The following COL16A1 variants were observed in gnomAD, a reference collection of about 807,000 sequenced individuals.
The protein encoded by COL16A1 is collagen type XVI alpha 1 chain, also known as collagen alpha-1(XVI) chain.
COL16A1 carries 189 observed loss-of-function variants against 266.3 expected under a neutral mutation model. The ratio of observed to expected loss-of-function variants is 0.71; its 90% CI spans 0.63 to 0.80. The LOEUF (loss-of-function observed/expected upper bound fraction) is 0.80. COL16A1 is among the 30% of genes least tolerant of loss of function. The pLI is 0.00. For missense variants in COL16A1, 1,928 were observed against 2,122.4 expected, an observed-to-expected ratio of 0.91 and a Z score of 1.80; for synonymous variants, 740 against 782.3, an observed-to-expected ratio of 0.95 and a Z score of 0.90.
At position 31,671,672 on chromosome 1, in the gene COL16A1, C is replaced by T. The variant is rs1642719804; in HGVS notation, c.3106-13G>A. 1.2e-6 allele frequency: 2 copies of T among 1,613,870 alleles called. No individual in the cohort carries two copies. Among genetic ancestry groups the T allele is most frequent in the South Asian group, 2.2e-5 (2 of 91,056 alleles). ...TGCCAGGCGGACCCTGCAAAGGAAG[C>T]CAAGGGAAATGGATGAAGAGGCCCA... On this transcript the variant is annotated splice_polypyrimidine_tract_variant and intron_variant, in intron 47 of 70. Transcript: ENST00000373672.
Position 31,684,169 on chromosome 1 carries a change from A to G in COL16A1, c.2223T>C (p.Pro741=), listed in dbSNP as rs751119648. ...QGTVTDMAGR[P]GQPGPKGEQG... is the part of the protein sequence containing the mutation. The stretch of plus-strand genomic sequence containing the variant: ...GCTCTCCTTTGGGGCCGGGCTGCCC[A>G]GGCCGTCCTGCCATGTCTGTCACTG... Residue 741 remains proline, a synonymous_variant, in exon 32 of 71, where the codon CCT becomes CCC. Coordinates refer to ENST00000373672, the MANE Select transcript of COL16A1 (RefSeq NM_001856.4). 2 of 1,544,186 alleles carry G rather than the reference A, an allele frequency of 1.3e-6. No homozygotes were observed. The highest frequency in any genetic ancestry group is 2.4e-5 in the East Asian group (1 of 40,990).
intron 55 of COL16A1, 116 bp downstream of exon 55, chr1:31,665,467 C>T (rs1421194717): frequency 2.5e-6 from 4 of 1,584,162 alleles, no homozygotes; most frequent in East Asian, 4.5e-5. Flanking sequence ...GGCCGTTCTC[C>T]CCTGCCTCTC....
At position 31,670,581 on chromosome 1, in the gene COL16A1, C is replaced by G. The variant is rs373328488; in HGVS notation, c.3195+21G>C. ...CTGGCTGACGGGGGGGAGGGGAGGT[C>G]GAGCAGCGCTAGGTTCTTACAGGCA... On this transcript the variant is annotated intron_variant, in intron 49 of 70. Transcript: ENST00000373672. The surrounding 1 kb of genome is among the most constrained non-coding windows in gnomAD (Gnocchi z 4.5). The G allele has an allele frequency of 7.3e-7, 1 of 1,370,450 alleles. No homozygotes were observed. The highest frequency in any genetic ancestry group is 9.5e-7 in the Non-Finnish European group (1 of 1,058,014). 84.9% of individuals were successfully genotyped at this position (1,370,450 alleles called of 1,614,324 possible). A position where few individuals can be genotyped will look rare whatever the true frequency, so the allele number is the denominator to read the frequency against.
chr1:31,683,113 T>C (rs991069976), intron 36 of COL16A1, 81 bp downstream of exon 36: 28 of 1,609,508 alleles, frequency 1.7e-5, no homozygotes, highest in Middle Eastern at 1.7e-4. Context: ...TAGGCATCAC[T>C]TGGCCCCCAT....
In COL16A1 at chr1:31,700,099, A is replaced by G; in HGVS notation, c.90T>C (p.Pro30=). Residue 30 remains proline, a synonymous_variant, in exon 3 of 71, where the codon CCT becomes CCC. Coordinates refer to ENST00000373672, the MANE Select transcript of COL16A1 (RefSeq NM_001856.4). ...HGANTGAQCP[P]SQQEGLKLEH... is the part of the protein sequence containing the mutation. ...CCAATTTGAGTCCTTCCTGCTGTGA[A>G]GGTGGGCATTGTGCACCTAGAAGAG... 1 of 1,614,202 alleles carries G rather than the reference A, an allele frequency of 6.2e-7. No individual in the cohort carries two copies. The highest frequency in any genetic ancestry group is 8.5e-7 in the Non-Finnish European group (1 of 1,180,028).
chr1:31,688,999 A>C lies in COL16A1; in HGVS notation c.1657-28T>G, dbSNP rs936537748. On this transcript the variant is annotated intron_variant, in intron 24 of 70. Transcript: ENST00000373672. This position sits in a 1 kb window ranked among gnomAD's most constrained non-coding sequence, Gnocchi z 4.9. ...GGGGAAAGAAGAGGAAGGATCAGAAATGCTTCCAGGTAGGCAGAGGAGGGC... is the reference window on the plus strand; with the variant it reads ...GGGGAAAGAAGAGGAAGGATCAGAACTGCTTCCAGGTAGGCAGAGGAGGGC... 18 of 1,614,038 alleles carry C rather than the reference A, an allele frequency of 1.1e-5. No individual in the cohort carries two copies. Among genetic ancestry groups the C allele is most frequent in the Non-Finnish European group, 1.5e-5 (18 of 1,179,964 alleles).
At chr1:31,661,617 T>C in intron 59 of COL16A1, 43 bp downstream of exon 59, 5 of 1,613,890 alleles carry the variant, frequency 3.1e-6, no homozygotes, top group Non-Finnish European at 4.2e-6. Flanking sequence ...AGGCAGAAGC[T>C]GCAACTTCGC....
At position 31,681,033 on chromosome 1, in the gene COL16A1, C is replaced by T. The variant is rs1643600373; in HGVS notation, c.2573G>A (p.Arg858Lys). Residue 858 changes from arginine to lysine, a missense_variant, in exon 38 of 71, where the codon AGA becomes AAA. Arg to Lys is a conservative substitution (Grantham distance 26). Transcript: ENST00000373672. The part of the protein sequence containing the change: ...RDGQQGQTGL[R>K]GTPGEKGPRG... ...AGGCACTGTACTCACTGGTGTTCCTCTGAGTCCCGTCTGTCCTTGCTGCCC... is the reference window on the plus strand; with the variant it reads ...AGGCACTGTACTCACTGGTGTTCCTTTGAGTCCCGTCTGTCCTTGCTGCCC... 1 of 1,613,710 alleles carries T rather than the reference C, an allele frequency of 6.2e-7. No individual in the cohort carries two copies. Among genetic ancestry groups the T allele is most frequent in the Admixed American group, 1.7e-5 (1 of 59,998 alleles).
At chr1:31,659,388 A>G (rs1641446008) in intron 62 of COL16A1, among the ~76,000 whole-genome samples, 1 of 152,034 alleles carries the variant, frequency 6.6e-6, no homozygotes, top group Non-Finnish European at 1.5e-5. Flanking sequence ...GCAGGGGGTG[A>G]GGGGCAGGGG....
intron 2 of COL16A1, chr1:31,701,535 G>C (rs1263151055): frequency 1.0e-6 from 1 of 985,260 alleles, no homozygotes; most frequent in African/African-American, 1.7e-5. Flanking sequence ...AAGTTGCCCG[G>C]TCAACTTCCC....
In COL16A1 at chr1:31,680,034, C is replaced by T. The variant is rs1423012479; in HGVS notation, c.2670+8G>A. On this transcript the variant is annotated splice_region_variant and intron_variant, in intron 40 of 70. Transcript: ENST00000373672. ...CAGTTGGGGGAAGGCTCTCACAGCG[C>T]CACTTACCGGCATGCCAGAGAAGAT... 1 of 1,613,780 alleles carries T rather than the reference C, an allele frequency of 6.2e-7. No homozygotes were observed. The highest frequency in any genetic ancestry group is 8.5e-7 in the Non-Finnish European group (1 of 1,179,844).
At chr1:31,695,134 G>T in intron 11 of COL16A1, 52 bp downstream of exon 11, 1 of 1,603,448 alleles carries the variant, frequency 6.2e-7, no homozygotes. Flanking sequence ...TCTAGGCAAC[G>T]TCCACTCCCG....
In COL16A1 at chr1:31,657,625, C is replaced by T. The variant is rs1641284084; in HGVS notation, c.4021-557G>A. The T allele has an allele frequency of 1.3e-5, 2 of 153,810 alleles. No homozygotes were observed. Among genetic ancestry groups the T allele is most frequent in the African/African-American group, 4.8e-5 (2 of 41,476 alleles). The allele number at this position is 153,810 out of a possible 1,614,324, so 9.5% of individuals were successfully genotyped here. A position where few individuals can be genotyped will look rare whatever the true frequency, so the allele number is the denominator to read the frequency against. On this transcript the variant is annotated intron_variant, in intron 64 of 70. Transcript: ENST00000373672. This position sits in a 1 kb window ranked among gnomAD's most constrained non-coding sequence, Gnocchi z 6.4. ...GCCTGGCAGATGGGCTGACTGGAGT[C>T]AAACACCCCAGCCCAGGCCACCAGC...
rs1441558497 is a variant in COL16A1 at position 31,698,716 on chromosome 1, T to C, written c.267-110A>G. 2.7e-6 allele frequency: 4 copies of C among 1,499,510 alleles called. No homozygotes were observed. The highest frequency in any genetic ancestry group is 3.6e-6 in the Non-Finnish European group (4 of 1,119,746). 92.9% of individuals were successfully genotyped at this position (1,499,510 alleles called of 1,614,324 possible). On this transcript the variant is annotated intron_variant, in intron 4 of 70. Coordinates refer to ENST00000373672, the MANE Select transcript of COL16A1 (RefSeq NM_001856.4). The surrounding 1 kb of genome is among the most constrained non-coding windows in gnomAD (Gnocchi z 4.1). ...TACCCAAGACATCCACAGGCACACATCTTCCATCATATACATTCATTCACT... is the reference window on the plus strand; with the variant it reads ...TACCCAAGACATCCACAGGCACACACCTTCCATCATATACATTCATTCACT...
chr1:31,691,152 A>G, intron 20 of COL16A1, 36 bp downstream of exon 20: 1 of 1,604,918 alleles, frequency 6.2e-7, no homozygotes, highest in Non-Finnish European at 8.5e-7. Context: ...TCAAGCATGG[A>G]GCTCCCCACG....
In COL16A1 at chr1:31,657,267, C is replaced by G. The variant is rs575118910; in HGVS notation, c.4021-199G>C. ...CATACTCCAGCGTGATCCCAGAGCC[C>G]CAACAGCTCCCAGCCCCCGTCTACA... On this transcript the variant is annotated intron_variant, in intron 64 of 70. Transcript: ENST00000373672. This position sits in a 1 kb window ranked among gnomAD's most constrained non-coding sequence, Gnocchi z 6.4. 9.7e-6 allele frequency: 6 copies of G among 616,336 alleles called. No homozygotes were observed. The highest frequency in any genetic ancestry group is 1.4e-5 in the Non-Finnish European group (5 of 347,692). The allele number at this position is 616,336 out of a possible 1,614,324, so 38.2% of individuals were successfully genotyped here.
At chr1:31,678,664 CATAA>C (rs1232599539) in intron 42 of COL16A1, among the ~76,000 whole-genome samples, 1 of 152,212 alleles carries the variant, frequency 6.6e-6, no homozygotes, top group Non-Finnish European at 1.5e-5. Flanking sequence ...GCATTTGTCA[CATAA>C]ATAATATATA....
chr1:31,685,951 G>T lies in COL16A1; in HGVS notation c.1884+140C>A. 1 of 1,473,478 alleles carries T rather than the reference G, an allele frequency of 6.8e-7. No homozygotes were observed. The highest frequency in any genetic ancestry group is 2.3e-5 in the East Asian group (1 of 43,536). The allele number at this position is 1,473,478 out of a possible 1,614,324, so 91.3% of individuals were successfully genotyped here. A position where few individuals can be genotyped will look rare whatever the true frequency, so the allele number is the denominator to read the frequency against. On this transcript the variant is annotated intron_variant, in intron 28 of 70. Transcript: ENST00000373672. The surrounding 1 kb of genome is among the most constrained non-coding windows in gnomAD (Gnocchi z 4.0). The stretch of plus-strand genomic sequence containing the variant: ...AAACAAAGGTGGAGCTGAGTCATCA[G>T]GGGTCTCCATGCCTTGCTAAGGAGT...
chr1:31,686,313 G>T, intron 26 of COL16A1, 34 bp from the exon 27 acceptor site: 6 of 1,614,180 alleles, frequency 3.7e-6, no homozygotes, highest in Non-Finnish European at 5.1e-6. Flanking sequence ...GATTAAAGAG[G>T]GGATGGAGTC....
Sources: gnomAD v4.1 joint callset for allele counts (sites outside exome capture counted in the v4.1 genomes callset) on GRCh38, gnomAD v4.1.1 for gene constraint, Gnocchi (gnomAD v3.1) non-coding constraint, MANE v1.5 for transcripts, NCBI Gene and HGNC (gene_info 2026-07-23, HGNC 2026-07-21) for gene names.